The following RAB5C variants were observed in gnomAD, a reference collection of about 807,000 sequenced individuals.
RAB5C encodes the protein ras-related protein Rab-5C.
RAB5C carries 4 observed loss-of-function variants against 25.2 expected under a neutral mutation model. That is an observed-to-expected ratio of 0.16 (90% CI 0.08 to 0.36). The LOEUF is 0.36. Ranked by LOEUF, RAB5C falls within the 10% of genes least tolerant of loss-of-function variation. The probability of loss-of-function intolerance (pLI) is 1.00; values close to 1 mark genes in which losing one functional copy is unlikely to be tolerated. For missense variants in RAB5C, 199 were observed against 283.8 expected, an observed-to-expected ratio of 0.70 and a Z score of 2.15; for synonymous variants, 100 against 106.4, an observed-to-expected ratio of 0.94 and a Z score of 0.37.
intron 1 of RAB5C, among the ~76,000 whole-genome samples, chr17:42,150,544 CAAAA>C (rs759878778): frequency 1.0e-4 from 2 of 19,386 alleles, no homozygotes; most frequent in East Asian, 1.1e-3. Context: ...AACTCCATCT[CAAAA>C]AAAAAAAAAA....
chr17:42,133,624 C>T (rs2054507972), intron 1 of RAB5C, among the ~76,000 whole-genome samples: 1 of 152,210 alleles, frequency 6.6e-6, no homozygotes, highest in Non-Finnish European at 1.5e-5. Context: ...GCTAGAGCAT[C>T]TGGCAGAGAG....
intron 1 of RAB5C, among the ~76,000 whole-genome samples, chr17:42,153,318 G>C (rs137909705): frequency 4.6e-5 from 7 of 152,214 alleles, no homozygotes; most frequent in Non-Finnish European, 1.0e-4. Context: ...TCAGGAGGCT[G>C]AGGCAAGAGA....
chr17:42,150,886 A>C (rs76920277), intron 1 of RAB5C, among the ~76,000 whole-genome samples: 1,646 of 152,080 alleles, frequency 0.011, 26 homozygotes, highest in African/African-American at 0.038. Context: ...CTACCTACCC[A>C]TCAGAGGCAA....
At chr17:42,152,374 G>A (rs916535064) in intron 1 of RAB5C, among the ~76,000 whole-genome samples, 3 of 152,174 alleles carry the variant, frequency 2.0e-5, no homozygotes, top group African/African-American at 7.2e-5. Flanking sequence ...CTGCCAGGCA[G>A]AGTCAGACCT....
chr17:42,140,629 T>G (rs576958181), intron 1 of RAB5C, among the ~76,000 whole-genome samples: 4 of 150,752 alleles, frequency 2.7e-5, no homozygotes, highest in African/African-American at 9.7e-5. Flanking sequence ...GTTCAAGCGA[T>G]TCTCGTGCTT....
chr17:42,128,531 G>A (rs1336160383), intron 3 of RAB5C, 118 bp downstream of exon 3: 8 of 1,188,270 alleles, frequency 6.7e-6, no homozygotes, highest in Middle Eastern at 2.4e-4. Flanking sequence ...CAGGAAATCT[G>A]CCCACCCCCC....
chr17:42,144,013 T>C (rs1250465831), intron 1 of RAB5C, among the ~76,000 whole-genome samples: 1 of 152,058 alleles, frequency 6.6e-6, no homozygotes, highest in East Asian at 1.9e-4. Flanking sequence ...CTCAAACTCT[T>C]GGCCTCAGGT....
At chr17:42,152,714 G>GGCT (rs2079679944) in intron 1 of RAB5C, among the ~76,000 whole-genome samples, 1 of 151,994 alleles carries the variant, frequency 6.6e-6, no homozygotes, top group Admixed American at 6.5e-5. Context: ...GGGAGGCAGA[G>GGCT]GCTGCAGTGA....
intron 1 of RAB5C, among the ~76,000 whole-genome samples, chr17:42,144,568 C>G (rs919966924): frequency 6.6e-6 from 1 of 151,912 alleles, no homozygotes; most frequent in Non-Finnish European, 1.5e-5. Flanking sequence ...AACCCCAGCA[C>G]CTTGGGAGGC....
chr17:42,125,777 G>A lies in RAB5C; in HGVS notation c.*6C>T, dbSNP rs782615116. 6.3e-6 allele frequency: 10 copies of A among 1,592,240 alleles called. No individual in the cohort carries two copies. In the East Asian group the frequency reaches 9.0e-5, roughly 14 times the overall value. On this transcript the variant is annotated 3_prime_UTR_variant, in exon 6 of 6. Coordinates refer to ENST00000346213, the MANE Select transcript of RAB5C (RefSeq NM_004583.4). ...GAGGCGGGGGCAGCGGGCAGGCAAG[G>A]GGGGCTCAGTTGCTGCAGCACTGGC...
chr17:42,153,060 C>T (rs1398236615), intron 1 of RAB5C, among the ~76,000 whole-genome samples: 1 of 152,192 alleles, frequency 6.6e-6, no homozygotes, highest in Non-Finnish European at 1.5e-5. Context: ...CACACAGATA[C>T]AGAGCCTGTG....
chr17:42,131,743 G>T, intron 1 of RAB5C: 1 of 841,122 alleles, frequency 1.2e-6, no homozygotes, highest in Non-Finnish European at 1.9e-6. Flanking sequence ...CTTGGTTAGT[G>T]ACAGCTTCAG....
chr17:42,129,806 G>A (rs896170313), intron 2 of RAB5C, among the ~76,000 whole-genome samples: 2 of 152,216 alleles, frequency 1.3e-5, no homozygotes, highest in African/African-American at 4.8e-5. Context: ...TGTTAGCCAC[G>A]GAGGCAAGAG....
chr17:42,139,360 C>G (rs1440104287), intron 1 of RAB5C, among the ~76,000 whole-genome samples: 2 of 152,252 alleles, frequency 1.3e-5, no homozygotes, highest in Admixed American at 6.5e-5. Context: ...CCTACCGATT[C>G]CAAAAGGCAC....
intron 5 of RAB5C, among the ~76,000 whole-genome samples, 155 bp from the exon 6 acceptor site, chr17:42,126,053 T>C (rs2054419738): frequency 1.3e-5 from 2 of 152,302 alleles, no homozygotes; most frequent in South Asian, 4.1e-4. Context: ...TTCAGGAAAC[T>C]GCGGCAAAGT....
intron 1 of RAB5C, among the ~76,000 whole-genome samples, chr17:42,137,244 T>C (rs1271356034): frequency 6.6e-6 from 1 of 150,846 alleles, no homozygotes; most frequent in African/African-American, 2.4e-5. Context: ...AGACAGAGGT[T>C]GTGGTGAGCG....
At position 42,130,407 on chromosome 17, in the gene RAB5C, T is replaced by C; in HGVS notation, c.96A>G (p.Val32=). 6.2e-7 allele frequency: 1 copy of C among 1,614,168 alleles called. No homozygotes were observed. Among genetic ancestry groups the C allele is most frequent in the East Asian group, 2.2e-5 (1 of 44,872 alleles). ...AGCGGAGGACGAGGCTGGATTTGCCTACCGCAGACTCCCCCAGCAGAACCA... is the reference window on the plus strand; with the variant it reads ...AGCGGAGGACGAGGCTGGATTTGCCCACCGCAGACTCCCCCAGCAGAACCA... ...FKLVLLGESA[V]GKSSLVLRFV... is the part of the protein sequence containing the mutation. Residue 32 remains valine, a synonymous_variant, in exon 2 of 6, where the codon GTA becomes GTG. Transcript: ENST00000346213.
chr17:42,144,349 C>T (rs989977213), intron 1 of RAB5C, among the ~76,000 whole-genome samples: 6 of 151,870 alleles, frequency 4.0e-5, no homozygotes, highest in Non-Finnish European at 7.4e-5. Context: ...CCCAGCTACT[C>T]GGGAGGCTCA....
At chr17:42,149,876 G>GTTTTT (rs925280473) in intron 1 of RAB5C, among the ~76,000 whole-genome samples, 3 of 121,166 alleles carry the variant, frequency 2.5e-5, no homozygotes, top group African/African-American at 3.2e-5. Context: ...GCCCAGGCTG[G>GTTTTT]TTTTTTTTTT....
Sources: allele counts gnomAD v4.1 joint callset (sites outside exome capture counted in the v4.1 genomes callset), GRCh38; gene constraint gnomAD v4.1.1; transcripts MANE v1.5; gene names NCBI Gene and HGNC (gene_info 2026-07-23, HGNC 2026-07-21).